CCR3: variants seen among roughly 807,000 people sequenced by gnomAD.
CCR3 encodes the protein C-C motif chemokine receptor 3.
For synonymous variants in CCR3, 203 were observed against 179.2 expected (o/e 1.13, Z -1.06); for missense variants, 419 against 437.5 (o/e 0.96, Z 0.38).
At chr3:46,246,827 T>C (rs1288511475) in intron 1 of CCR3, among the ~76,000 whole-genome samples, 2 of 152,036 alleles carry the variant, frequency 1.3e-5, no homozygotes, top group Non-Finnish European at 2.9e-5. Flanking sequence ...GAATGGGCGA[T>C]GTTTCCCAGG....
chr3:46,216,476 T>C (rs1457886481), intron 2 of CCR3, among the ~76,000 whole-genome samples: 4 of 152,076 alleles, frequency 2.6e-5, no homozygotes, highest in East Asian at 3.9e-4. Context: ...GAAATCCAAA[T>C]ACAAGAAGCT....
At position 46,246,225 on chromosome 3, in the gene CCR3, A is replaced by G. The variant is rs376372100; in HGVS notation, c.-12+3687A>G. ...ATTAAGCATCTTTCATTTGTCAGGC[A>G]TCATGCTGGACACTAGGCCTGTACT... On this transcript the variant is annotated intron_variant, in intron 1 of 1. Coordinates refer to ENST00000395940, the MANE Select transcript of CCR3 (RefSeq NM_178329.3). Among the ~76,000 whole-genome samples the G allele has an allele frequency of 2.6e-5, 4 of 152,220 alleles. No homozygotes were observed. In the East Asian group the frequency reaches 5.8e-4, roughly 22 times the overall value.
intron 2 of CCR3, among the ~76,000 whole-genome samples, chr3:46,223,637 T>C (rs1699861585): frequency 6.6e-6 from 1 of 152,186 alleles, no homozygotes; most frequent in African/African-American, 2.4e-5. Context: ...CATGTATGTA[T>C]GTGTGACTAT....
At chr3:46,233,047 G>A (rs1279917205) in intron 2 of CCR3, among the ~76,000 whole-genome samples, 1 of 152,232 alleles carries the variant, frequency 6.6e-6, no homozygotes, top group Non-Finnish European at 1.5e-5. Context: ...TGGCCAGGCT[G>A]GTCTCGAACT....
At chr3:46,231,727 C>T (rs901004188) in intron 2 of CCR3, among the ~76,000 whole-genome samples, 2 of 152,174 alleles carry the variant, frequency 1.3e-5, no homozygotes, top group Non-Finnish European at 2.9e-5. Flanking sequence ...GTATATTTCT[C>T]TCCAAACTCA....
chr3:46,247,499 T>C (rs181908579), intron 1 of CCR3, among the ~76,000 whole-genome samples: 12 of 152,304 alleles, frequency 7.9e-5, no homozygotes, highest in Admixed American at 2.6e-4. Context: ...GGTGTGTTTT[T>C]AAAAGACCTT....
intron 1 of CCR3, chr3:46,264,255 C>A: frequency 1.5e-6 from 1 of 685,868 alleles, no homozygotes; most frequent in Non-Finnish European, 2.5e-6. Flanking sequence ...GTTACCAGGC[C>A]TAACTCAGCA....
At chr3:46,225,075 G>C (rs1169719825) in intron 2 of CCR3, among the ~76,000 whole-genome samples, 1 of 152,182 alleles carries the variant, frequency 6.6e-6, no homozygotes, top group African/African-American at 2.4e-5. Flanking sequence ...TTAGTCATAT[G>C]AGAGAATACT....
intron 2 of CCR3, among the ~76,000 whole-genome samples, chr3:46,219,817 C>T (rs1434852232): frequency 6.6e-6 from 1 of 152,126 alleles, no homozygotes; most frequent in Non-Finnish European, 1.5e-5. Context: ...ATCCTCATCT[C>T]TCACCTTAGA....
intron 2 of CCR3, among the ~76,000 whole-genome samples, chr3:46,214,538 T>A (rs2125922382): frequency 6.6e-6 from 1 of 152,290 alleles, no homozygotes; most frequent in Non-Finnish European, 1.5e-5. Flanking sequence ...TCTGACATGT[T>A]CAGACCACCT....
At chr3:46,229,067 C>T (rs1011500136) in intron 2 of CCR3, among the ~76,000 whole-genome samples, 1 of 152,218 alleles carries the variant, frequency 6.6e-6, no homozygotes, top group Non-Finnish European at 1.5e-5. Flanking sequence ...CATAGGTAGA[C>T]TGTATTTCCA....
intron 1 of CCR3, among the ~76,000 whole-genome samples, chr3:46,252,169 CTTT>C (rs58623050): frequency 6.9e-5 from 6 of 86,866 alleles, no homozygotes; most frequent in South Asian, 4.6e-4. Context: ...TAGTTTCTGT[CTTT>C]TTTTTTTTTT....
At chr3:46,240,718 G>T (rs961957088), upstream of CCR3, among the ~76,000 whole-genome samples, 2 of 152,104 alleles carry the variant, frequency 1.3e-5, no homozygotes, top group African/African-American at 4.8e-5. Flanking sequence ...CCACACACTG[G>T]CCTCCACGTA....
At chr3:46,254,656 G>T (rs1291644838) in intron 1 of CCR3, among the ~76,000 whole-genome samples, 1 of 152,070 alleles carries the variant, frequency 6.6e-6, no homozygotes, top group East Asian at 1.9e-4. Context: ...TTTCCCCTGA[G>T]TCCCCAAAGT....
chr3:46,222,224 G>A (rs1038802454), intron 2 of CCR3, among the ~76,000 whole-genome samples: 33 of 152,302 alleles, frequency 2.2e-4, no homozygotes, highest in Non-Finnish European at 3.2e-4. Context: ...CAGCCACAGA[G>A]TATGGCACAC....
At chr3:46,243,921 C>G (rs1434081287) in intron 1 of CCR3, among the ~76,000 whole-genome samples, 1 of 151,970 alleles carries the variant, frequency 6.6e-6, no homozygotes, top group African/African-American at 2.4e-5. Flanking sequence ...TAATGGCAAC[C>G]CTTTTGCCCA....
Position 46,266,078 on chromosome 3 carries a change from G to A in CCR3, c.920G>A (p.Arg307Lys). Residue 307 changes from arginine (R) to lysine (K), a missense_variant, in exon 2 of 2, where the codon AGG (arginine) becomes AAG (lysine). Coordinates refer to ENST00000395940, the MANE Select transcript of CCR3 (RefSeq NM_178329.3). Reference sequence around the variant, plus strand: ...GTGATCTACGCCTTTGTTGGAGAGAGGTTCCGGAAGTACCTGCGCCACTTC... The same window carrying A: ...GTGATCTACGCCTTTGTTGGAGAGAAGTTCCGGAAGTACCTGCGCCACTTC... ...NPVIYAFVGE[R>K]FRKYLRHFFH... is the part of the protein sequence containing the mutation. The A allele has an allele frequency of 5.6e-6, 9 of 1,613,994 alleles. No individual in the cohort carries two copies. The highest frequency in any genetic ancestry group is 3.3e-4 in the Middle Eastern group (2 of 6,060).
intron 2 of CCR3, among the ~76,000 whole-genome samples, chr3:46,220,183 G>C (rs1699820132): frequency 6.6e-6 from 1 of 152,130 alleles, no homozygotes; most frequent in South Asian, 2.1e-4. Context: ...CTAAGGACAT[G>C]AGTAGACAAT....
At chr3:46,261,620 C>T (rs189652434) in intron 1 of CCR3, among the ~76,000 whole-genome samples, 1 of 152,338 alleles carries the variant, frequency 6.6e-6, no homozygotes, top group Non-Finnish European at 1.5e-5. Flanking sequence ...ATGGAGCGCT[C>T]TCTGCTAAGA....
Sources: allele counts gnomAD v4.1 joint callset (sites outside exome capture counted in the v4.1 genomes callset), GRCh38; gene constraint gnomAD v4.1.1; transcripts MANE v1.5; gene names NCBI Gene and HGNC (gene_info 2026-07-23, HGNC 2026-07-21).